Variants in FARS2 observed in about 807,000 individuals in gnomAD.
The protein encoded by FARS2 is phenylalanyl-tRNA synthetase 2, mitochondrial.
In FARS2, 40 loss-of-function variants were observed where a neutral mutation model predicts 46.4. The ratio of observed to expected loss-of-function variants is 0.86; its 90% confidence interval spans 0.67 to 1.12. The LOEUF (loss-of-function observed/expected upper bound fraction) is 1.12. Among genes scored for constraint, FARS2 ranks in the 50% most tolerant of loss-of-function variants. The pLI is 0.00. For missense variants in FARS2, 513 were observed against 567.9 expected (o/e 0.90, Z 0.98); for synonymous variants, 234 against 214.9 (o/e 1.09, Z -0.78).
At chr6:5,488,688 C>G (rs572682643) in intron 4 of FARS2, among the ~76,000 whole-genome samples, 1 of 137,886 alleles carries the variant, frequency 7.3e-6, no homozygotes, top group Non-Finnish European at 1.6e-5. Flanking sequence ...TTAGAAATCT[C>G]GTGTCTTTGC....
At chr6:5,539,396 A>ATATATATATATATATATG (rs1024662143) in intron 4 of FARS2, among the ~76,000 whole-genome samples, 3 of 136,472 alleles carry the variant, frequency 2.2e-5, no homozygotes, top group African/African-American at 5.9e-5. Context: ...ATATATATAT[A>ATATATATATATATATATG]TATGTATATA....
At chr6:5,469,710 A>G (rs1561642600) in intron 4 of FARS2, among the ~76,000 whole-genome samples, 1 of 152,240 alleles carries the variant, frequency 6.6e-6, no homozygotes, top group African/African-American at 2.4e-5. Flanking sequence ...ATTGCTTCTA[A>G]AAAGATAAGG....
chr6:5,769,991 C>G (rs1345481685), intron 6 of FARS2, among the ~76,000 whole-genome samples: 1 of 152,058 alleles, frequency 6.6e-6, no homozygotes, highest in South Asian at 2.1e-4. Flanking sequence ...GAGGCCAGGA[C>G]CAAGGCAGAC....
intron 5 of FARS2, 117 bp from the exon 6 acceptor site, chr6:5,613,052 C>T (rs1775272871): frequency 7.6e-6 from 6 of 786,828 alleles, no homozygotes; most frequent in Non-Finnish European, 8.3e-6. Flanking sequence ...AATTTAGATG[C>T]TGAAATGATG....
chr6:5,616,544 T>G (rs895711704), intron 6 of FARS2, among the ~76,000 whole-genome samples: 1 of 152,246 alleles, frequency 6.6e-6, no homozygotes, highest in African/African-American at 2.4e-5. Flanking sequence ...ATGAGATATC[T>G]TGGGGATGGG....
intron 1 of FARS2, among the ~76,000 whole-genome samples, chr6:5,307,242 G>T (rs1371854708): frequency 4.6e-5 from 7 of 152,136 alleles, no homozygotes; most frequent in Non-Finnish European, 1.0e-4. Flanking sequence ...GTGTGAGTGG[G>T]TAATGGCACT....
chr6:5,587,974 A>T (rs1358825194), intron 5 of FARS2, among the ~76,000 whole-genome samples: 1 of 152,194 alleles, frequency 6.6e-6, no homozygotes, highest in African/African-American at 2.4e-5. Flanking sequence ...TAAGATAGGT[A>T]AAACCCTGAC....
intron 5 of FARS2, among the ~76,000 whole-genome samples, chr6:5,612,407 C>T (rs889438674): frequency 2.6e-5 from 4 of 151,872 alleles, no homozygotes; most frequent in African/African-American, 9.7e-5. Flanking sequence ...ACTTACAGAC[C>T]AAAACATACA....
At chr6:5,259,056 T>G (rs1053102078), upstream of FARS2, among the ~76,000 whole-genome samples, 3 of 150,854 alleles carry the variant, frequency 2.0e-5, no homozygotes, top group African/African-American at 7.4e-5. Flanking sequence ...ACAAGAAAAC[T>G]GAAATACAGA....
intron 1 of FARS2, among the ~76,000 whole-genome samples, chr6:5,345,676 T>C (rs1464016610): frequency 6.6e-6 from 1 of 152,228 alleles, no homozygotes; most frequent in Non-Finnish European, 1.5e-5. Context: ...AATTAAATGC[T>C]GTAAAGTGGC....
chr6:5,685,404 C>G (rs1202863279), intron 6 of FARS2, among the ~76,000 whole-genome samples: 1 of 152,170 alleles, frequency 6.6e-6, no homozygotes, highest in Non-Finnish European at 1.5e-5. Flanking sequence ...TCCTTCCAAC[C>G]CATCCTAAAT....
intron 5 of FARS2, among the ~76,000 whole-genome samples, chr6:5,592,050 A>G (rs1375224298): frequency 3.3e-5 from 5 of 152,240 alleles, no homozygotes; most frequent in African/African-American, 1.2e-4. Context: ...TACATTTTGT[A>G]GATGCTCATA....
intron 2 of FARS2, among the ~76,000 whole-genome samples, chr6:5,379,841 C>T (rs1405103522): frequency 1.3e-5 from 2 of 152,160 alleles, no homozygotes; most frequent in African/African-American, 2.4e-5. Context: ...GTCCCTCCAG[C>T]GACCTCTACT....
intron 1 of FARS2, among the ~76,000 whole-genome samples, chr6:5,324,856 T>C (rs1170360823): frequency 6.6e-6 from 1 of 152,068 alleles, no homozygotes; most frequent in Non-Finnish European, 1.5e-5. Context: ...GTCACATGGC[T>C]GTCCACCAAG....
intron 6 of FARS2, among the ~76,000 whole-genome samples, chr6:5,771,010 A>G (rs2150990146): frequency 6.6e-6 from 1 of 152,270 alleles, no homozygotes. Flanking sequence ...AAATCTCCAG[A>G]GCGTGGCCTG....
At chr6:5,717,935 T>TAGAGAGAGAGAGAGAG (rs546191530) in intron 6 of FARS2, among the ~76,000 whole-genome samples, 3 of 135,636 alleles carry the variant, frequency 2.2e-5, no homozygotes, top group African/African-American at 6.1e-5. Flanking sequence ...TATATATATA[T>TAGAGAGAGAGAGAGAG]ACAGAGTCTC....
intron 1 of FARS2, among the ~76,000 whole-genome samples, chr6:5,283,126 A>AT (rs1766857981): frequency 6.6e-6 from 1 of 152,102 alleles, no homozygotes; most frequent in East Asian, 1.9e-4. Flanking sequence ...TAATCCCAGC[A>AT]TTTTGGGAGG....
At chr6:5,587,114 G>T (rs1189893785) in intron 5 of FARS2, among the ~76,000 whole-genome samples, 2 of 152,164 alleles carry the variant, frequency 1.3e-5, no homozygotes, top group Non-Finnish European at 2.9e-5. Context: ...TTACTGGGTT[G>T]CTCTTTGACC....
In FARS2 at chr6:5,353,597, A is replaced by G. The variant is rs540004204; in HGVS notation, c.-21-14953A>G. 2.0e-5 allele frequency among the ~76,000 whole-genome samples: 3 copies of G among 151,946 alleles called. No homozygotes were observed. In the South Asian group the frequency reaches 6.2e-4, roughly 32 times the overall value. ...TAGCCATTCTAACCGGGGCAAGGTG[A>G]TGTCTCATTGTGGTTTTGATTTGCA... is the stretch of plus-strand genomic sequence containing the variant. On this transcript the variant is annotated intron_variant, in intron 1 of 6. Coordinates refer to ENST00000274680, the MANE Select transcript of FARS2 (RefSeq NM_006567.5).
Sources: gnomAD v4.1 joint callset for allele counts (sites outside exome capture counted in the v4.1 genomes callset) on GRCh38, gnomAD v4.1.1 for gene constraint, MANE v1.5 for transcripts, NCBI Gene and HGNC (gene_info 2026-07-23, HGNC 2026-07-21) for gene names.